CTNNA3: variants seen among roughly 807,000 people sequenced by gnomAD.
CTNNA3 encodes the protein catenin alpha 3, also known as catenin alpha-3.
A neutral mutation model predicts 95.7 loss-of-function variants in CTNNA3; 76 were observed. The observed-to-expected ratio is 0.79, with a 90% CI of 0.66 to 0.96. CTNNA3 has a LOEUF of 0.96. Ranked by LOEUF, CTNNA3 falls within the 40% of genes least tolerant of loss-of-function variation. The probability of loss-of-function intolerance (pLI) is 0.00; values close to 1 mark genes in which losing one functional copy is unlikely to be tolerated. For missense variants in CTNNA3, 1,191 were observed against 1,089.8 expected, an observed-to-expected ratio of 1.09 and a Z score of -1.31; for synonymous variants, 431 against 374.4, an observed-to-expected ratio of 1.15 and a Z score of -1.74.
chr10:66,209,474 G>A (rs145363913), intron 13 of CTNNA3, among the ~76,000 whole-genome samples: 15 of 152,212 alleles, frequency 9.9e-5, no homozygotes, highest in African/African-American at 3.1e-4. Context: ...GTGAGAGAGA[G>A]GTCATGTCAT....
At chr10:66,155,830 A>T (rs1472119360) in intron 13 of CTNNA3, among the ~76,000 whole-genome samples, 11 of 151,904 alleles carry the variant, frequency 7.2e-5, no homozygotes, top group Non-Finnish European at 1.5e-4. Flanking sequence ...AAAGCCAAGA[A>T]CTTCTGTTTT....
intron 14 of CTNNA3, among the ~76,000 whole-genome samples, chr10:66,086,577 C>CA (rs958526274): frequency 2.0e-5 from 3 of 151,762 alleles, no homozygotes; most frequent in African/African-American, 2.4e-5. Flanking sequence ...ACGTTTAAAA[C>CA]AAAAAATTTA....
At chr10:66,485,389 G>A (rs143339927) in intron 11 of CTNNA3, among the ~76,000 whole-genome samples, 12 of 152,180 alleles carry the variant, frequency 7.9e-5, no homozygotes, top group Non-Finnish European at 1.5e-4. Context: ...AACAAATTCA[G>A]TAAAGTTACA....
At position 67,387,472 on chromosome 10, in the gene CTNNA3, G is replaced by A. The variant is rs894997628; in HGVS notation, c.579+134370C>T. Among the ~76,000 whole-genome samples the A allele has an allele frequency of 8.5e-5, 13 of 152,306 alleles. 1 individual carries two copies. The highest frequency in any genetic ancestry group is 3.1e-4 in the African/African-American group (13 of 41,562). ...TGAGATCAAACTGCAAGGCAGCAGCGAGGCTGGGGGAGGGGCGCCCACCAT... is the reference window on the plus strand; with the variant it reads ...TGAGATCAAACTGCAAGGCAGCAGCAAGGCTGGGGGAGGGGCGCCCACCAT... On this transcript the variant is annotated intron_variant, in intron 5 of 17. Transcript: ENST00000433211.
Position 66,728,477 on chromosome 10 carries a change from T to C in CTNNA3, c.1281+37787A>G, listed in dbSNP as rs753857871. Among the ~76,000 whole-genome samples the C allele has an allele frequency of 3.3e-5, 5 of 152,238 alleles. 1 individual carries two copies. Among genetic ancestry groups the C allele is most frequent in the Non-Finnish European group, 5.9e-5 (4 of 68,042 alleles). ...ATTTTTGCTTTTAATGCAATTGCTT[T>C]GGGTGTTTTCATCATGAAATCTTTG... On this transcript the variant is annotated intron_variant, in intron 9 of 17. Coordinates refer to ENST00000433211, the MANE Select transcript of CTNNA3 (RefSeq NM_013266.4).
intron 7 of CTNNA3, among the ~76,000 whole-genome samples, chr10:66,919,797 C>T (rs191285890): frequency 6.6e-6 from 1 of 152,234 alleles, no homozygotes; most frequent in Admixed American, 6.5e-5. Context: ...CAAATGTAGA[C>T]ATGCATATGA....
intron 13 of CTNNA3, among the ~76,000 whole-genome samples, chr10:66,217,616 T>C (rs2088637814): frequency 6.6e-6 from 1 of 152,212 alleles, no homozygotes; most frequent in East Asian, 1.9e-4. Flanking sequence ...CATCTGGACA[T>C]ACATTTTCAT....
chr10:67,027,747 T>C (rs750989952), intron 7 of CTNNA3, among the ~76,000 whole-genome samples: 13 of 152,090 alleles, frequency 8.5e-5, no homozygotes, highest in Non-Finnish European at 1.6e-4. Context: ...CATATAATTG[T>C]CCATAGGTAT....
intron 3 of CTNNA3, among the ~76,000 whole-genome samples, chr10:67,591,112 A>G (rs1564766633): frequency 6.6e-6 from 1 of 152,112 alleles, no homozygotes; most frequent in Non-Finnish European, 1.5e-5. Flanking sequence ...CTGAACAACA[A>G]AGAAGTCAAA....
At chr10:66,651,550 G>A (rs1845899668) in intron 9 of CTNNA3, among the ~76,000 whole-genome samples, 1 of 152,114 alleles carries the variant, frequency 6.6e-6, no homozygotes, top group Non-Finnish European at 1.5e-5. Context: ...CTTGCGTGGG[G>A]AGGGGGGTTG....
intron 5 of CTNNA3, among the ~76,000 whole-genome samples, chr10:67,227,501 A>T (rs761587526): frequency 6.6e-6 from 1 of 152,208 alleles, no homozygotes; most frequent in Non-Finnish European, 1.5e-5. Flanking sequence ...ACAGGACAAT[A>T]TCACAATCCT....
At chr10:66,599,750 T>C (rs1393339099) in intron 10 of CTNNA3, among the ~76,000 whole-genome samples, 2 of 151,858 alleles carry the variant, frequency 1.3e-5, no homozygotes, top group Non-Finnish European at 1.5e-5. Context: ...TTCACCACAG[T>C]TCCTTCCAGA....
At chr10:67,688,189 T>G (rs1027123078) in intron 1 of CTNNA3, among the ~76,000 whole-genome samples, 1 of 152,160 alleles carries the variant, frequency 6.6e-6, no homozygotes, top group African/African-American at 2.4e-5. Flanking sequence ...TTGATCTGCT[T>G]TAAATCAGAG....
At chr10:66,041,313 AAT>A (rs1564597600) in intron 15 of CTNNA3, among the ~76,000 whole-genome samples, 1 of 152,210 alleles carries the variant, frequency 6.6e-6, no homozygotes, top group Non-Finnish European at 1.5e-5. Flanking sequence ...ATGGCAGCTA[AAT>A]ATAAGGTGAG....
Position 66,289,838 on chromosome 10 carries a change from A to G in CTNNA3, c.1733-9217T>C, listed in dbSNP as rs533424865. Among the ~76,000 whole-genome samples, 7 of 152,208 alleles carry G rather than the reference A, an allele frequency of 4.6e-5. No homozygotes were observed. In the East Asian group the frequency reaches 1.4e-3, roughly 29 times the overall value. The stretch of plus-strand genomic sequence containing the variant: ...ATCCAAAAACTTTCTGAATCTATGT[A>G]AACTATGATTATGAAACATCAGAAA... On this transcript the variant is annotated intron_variant, in intron 12 of 17. Transcript: ENST00000433211.
At position 66,290,080 on chromosome 10, in the gene CTNNA3, G is replaced by A. The variant is rs116412118; in HGVS notation, c.1733-9459C>T. 2.0e-3 allele frequency among the ~76,000 whole-genome samples: 304 copies of A among 152,116 alleles called. 2 individuals carry two copies. Among genetic ancestry groups the A allele is most frequent in the African/African-American group, 7.0e-3 (292 of 41,546 alleles). ...AGATGACTGGATGGCTAGGTGGGTG[G>A]ATAAAAGGAAAGAAGGATAGTAGTA... On this transcript the variant is annotated intron_variant, in intron 12 of 17. Transcript: ENST00000433211.
intron 7 of CTNNA3, among the ~76,000 whole-genome samples, chr10:66,814,079 G>C (rs1013399439): frequency 6.6e-6 from 1 of 151,996 alleles, no homozygotes; most frequent in East Asian, 1.9e-4. Context: ...GACTTATAAG[G>C]TTGCTAAACC....
intron 5 of CTNNA3, among the ~76,000 whole-genome samples, chr10:67,328,783 C>A (rs1391977201): frequency 6.6e-6 from 1 of 152,188 alleles, no homozygotes; most frequent in African/African-American, 2.4e-5. Flanking sequence ...TGAGTCCCTT[C>A]ATGAGAGCCG....
At chr10:66,670,962 T>C (rs1378421060) in intron 9 of CTNNA3, among the ~76,000 whole-genome samples, 5 of 152,230 alleles carry the variant, frequency 3.3e-5, no homozygotes, top group Non-Finnish European at 1.5e-5. Flanking sequence ...ATAAAGCTTT[T>C]CTATTAGAAG....
Sources: allele counts gnomAD v4.1 joint callset (sites outside exome capture counted in the v4.1 genomes callset), GRCh38; gene constraint gnomAD v4.1.1; transcripts MANE v1.5; gene names NCBI Gene and HGNC (gene_info 2026-07-23, HGNC 2026-07-21).